The following FER variants were observed in gnomAD, a reference collection of about 807,000 sequenced individuals.
FER encodes FER tyrosine kinase, also known as tyrosine-protein kinase Fer.
FER carries 63 observed loss-of-function variants against 111.0 expected under a neutral mutation model. That is an observed-to-expected ratio of 0.57 (90% CI 0.46 to 0.70). The LOEUF is 0.70. Ranked by LOEUF, FER falls within the 30% of genes least tolerant of loss-of-function variation. The pLI, the probability that FER is intolerant of heterozygous loss-of-function variation, is 0.00. For synonymous variants in FER, 327 were observed against 313.9 expected (o/e 1.04, Z -0.44); for missense variants, 914 against 954.0 (o/e 0.96, Z 0.55).
At chr5:108,994,229 T>G (rs981568772) in intron 13 of FER, among the ~76,000 whole-genome samples, 1 of 152,194 alleles carries the variant, frequency 6.6e-6, no homozygotes, top group Non-Finnish European at 1.5e-5. Flanking sequence ...CTGCTAGAGT[T>G]TTTATAGTTT....
At chr5:109,010,304 C>T (rs11949367) in intron 13 of FER, among the ~76,000 whole-genome samples, 18,096 of 152,028 alleles carry the variant, frequency 0.12, 1,130 homozygotes, top group Non-Finnish European at 0.14. Context: ...ACTACAGGCG[C>T]CCGCCACCAC....
chr5:108,921,639 T>A (rs904852849), intron 10 of FER, among the ~76,000 whole-genome samples: 1 of 152,186 alleles, frequency 6.6e-6, no homozygotes, highest in African/African-American at 2.4e-5. Flanking sequence ...AGTCTTTTTT[T>A]ATGAAGGTAA....
intron 10 of FER, among the ~76,000 whole-genome samples, chr5:108,927,752 T>A (rs2149571923): frequency 6.6e-6 from 1 of 152,334 alleles, no homozygotes; most frequent in East Asian, 1.9e-4. Flanking sequence ...CTACTTTTGG[T>A]CATTTTGGGA....
chr5:109,052,544 G>A, intron 16 of FER: 4 of 670,862 alleles, frequency 6.0e-6, no homozygotes, highest in South Asian at 5.4e-5. Context: ...AAATGAAAAG[G>A]CAAATTCAGG....
At chr5:108,874,218 G>A (rs540094682) in intron 8 of FER, among the ~76,000 whole-genome samples, 7 of 152,254 alleles carry the variant, frequency 4.6e-5, no homozygotes, top group Admixed American at 2.0e-4. Context: ...CCTGTTATAA[G>A]CTTATGTAAA....
At chr5:108,863,011 T>G (rs1466593933) in intron 5 of FER, among the ~76,000 whole-genome samples, 1 of 152,208 alleles carries the variant, frequency 6.6e-6, no homozygotes, top group Non-Finnish European at 1.5e-5. Flanking sequence ...ATCTTGGATG[T>G]CAGCTCCATG....
intron 13 of FER, among the ~76,000 whole-genome samples, chr5:109,017,829 T>C (rs1767384881): frequency 6.6e-6 from 1 of 151,928 alleles, no homozygotes; most frequent in African/African-American, 2.4e-5. Flanking sequence ...CAAAACCTAC[T>C]TGTTTTCCCT....
At chr5:109,091,721 C>T (rs766430376) in intron 16 of FER, among the ~76,000 whole-genome samples, 2 of 152,074 alleles carry the variant, frequency 1.3e-5, no homozygotes, top group African/African-American at 2.4e-5. Flanking sequence ...GCAAATACCC[C>T]ACCCTGGTGT....
At chr5:108,930,046 C>T (rs1445686359) in intron 10 of FER, among the ~76,000 whole-genome samples, 1 of 151,802 alleles carries the variant, frequency 6.6e-6, no homozygotes, top group Non-Finnish European at 1.5e-5. Flanking sequence ...GTTTTTTGTA[C>T]CTTTACACCC....
intron 10 of FER, among the ~76,000 whole-genome samples, chr5:108,938,070 A>ACC (rs1755768970): frequency 7.0e-6 from 1 of 143,592 alleles, no homozygotes; most frequent in African/African-American, 2.5e-5. Flanking sequence ...ACACACACAC[A>ACC]CGTAAAAACT....
chr5:109,064,582 C>T (rs1342471009), intron 16 of FER, among the ~76,000 whole-genome samples: 1 of 152,006 alleles, frequency 6.6e-6, no homozygotes, highest in Non-Finnish European at 1.5e-5. Flanking sequence ...TTTCATGGTA[C>T]ATTTGAGCCA....
At chr5:109,037,656 G>C (rs1770586889) in intron 14 of FER, among the ~76,000 whole-genome samples, 178 bp downstream of exon 14, 2 of 151,982 alleles carry the variant, frequency 1.3e-5, no homozygotes, top group Admixed American at 6.6e-5. Flanking sequence ...ATGTGTGAAA[G>C]TCTTTGAAAG....
chr5:108,803,032 C>A (rs1756843833), intron 3 of FER, among the ~76,000 whole-genome samples: 1 of 152,092 alleles, frequency 6.6e-6, no homozygotes, highest in African/African-American at 2.4e-5. Flanking sequence ...TTAATTATAG[C>A]CATTCTTACT....
intron 17 of FER, among the ~76,000 whole-genome samples, chr5:109,134,233 A>C (rs779488843): frequency 2.6e-5 from 4 of 152,108 alleles, no homozygotes; most frequent in Non-Finnish European, 5.9e-5. Flanking sequence ...CATACTATGT[A>C]ATATTTTGTG....
rs892526755 is a variant in FER at position 109,147,858 on chromosome 5, C to T, written c.2049-32889C>T. 2.8e-5 allele frequency among the ~76,000 whole-genome samples: 4 copies of T among 141,140 alleles called. No homozygotes were observed. The Admixed American group carries it at 2.8e-4, about 10-fold the overall frequency. 92.6% of individuals were successfully genotyped at this position (141,140 alleles called of 152,430 possible). The stretch of plus-strand genomic sequence containing the variant: ...ACAGAGAAATACTAGTGAAACACAC[C>T]AAAATATTGAGTGATATTTTTAGTT... On this transcript the variant is annotated intron_variant, in intron 17 of 19. Coordinates refer to ENST00000281092, the MANE Select transcript of FER (RefSeq NM_005246.4).
intron 1 of FER, among the ~76,000 whole-genome samples, chr5:108,761,474 T>C (rs190503467): frequency 6.6e-5 from 10 of 152,284 alleles, no homozygotes; most frequent in African/African-American, 2.4e-4. Context: ...TTCACCGTTA[T>C]ATATGAGTGT....
intron 17 of FER, among the ~76,000 whole-genome samples, chr5:109,105,058 C>T (rs6594348): frequency 1 from 152,301 of 152,304 alleles, 76,149 homozygotes; most frequent in Non-Finnish European, 1. Context: ...TAATATTATT[C>T]TTAAGCTTCA....
At chr5:108,886,305 A>G (rs1747146007) in intron 9 of FER, among the ~76,000 whole-genome samples, 1 of 151,526 alleles carries the variant, frequency 6.6e-6, no homozygotes, top group Non-Finnish European at 1.5e-5. Flanking sequence ...GAATGGATAT[A>G]AGAGAGGAGC....
chr5:108,996,646 C>G (rs149894184), intron 13 of FER, among the ~76,000 whole-genome samples: 2,316 of 152,224 alleles, frequency 0.015, 24 homozygotes, highest in Non-Finnish European at 0.025. Context: ...CAGTACCATG[C>G]TGTTTTGGTT....
Sources: allele counts gnomAD v4.1 joint callset (sites outside exome capture counted in the v4.1 genomes callset), GRCh38; gene constraint gnomAD v4.1.1; transcripts MANE v1.5; gene names NCBI Gene and HGNC (gene_info 2026-07-23, HGNC 2026-07-21).